The following EML6 variants were observed in gnomAD, a reference collection of about 807,000 sequenced individuals.
The protein encoded by EML6 is EMAP like 6, also known as echinoderm microtubule-associated protein-like 6.
EML6 carries 154 observed loss-of-function variants against 240.1 expected under a neutral mutation model. The observed-to-expected ratio is 0.64, with a 90% CI of 0.56 to 0.73. The LOEUF (loss-of-function observed/expected upper bound fraction) is 0.73. EML6 is among the 30% of genes least tolerant of loss of function. The pLI is 0.00. For synonymous variants in EML6, 1,148 were observed against 899.0 expected (o/e 1.28, Z -4.95); for missense variants, 2,964 against 2,474.6 (o/e 1.20, Z -4.20).
At chr2:54,885,464 T>C (rs1672076364) in intron 17 of EML6, among the ~76,000 whole-genome samples, 1 of 152,008 alleles carries the variant, frequency 6.6e-6, no homozygotes, top group African/African-American at 2.4e-5. Context: ...AAAAAAATTT[T>C]TTTTGGATGC....
intron 21 of EML6, among the ~76,000 whole-genome samples, chr2:54,897,286 A>G (rs929710604): frequency 7.2e-5 from 11 of 152,082 alleles, no homozygotes; most frequent in African/African-American, 2.7e-4. Context: ...AAGGCTTTTC[A>G]CTTCTTAATT....
intron 32 of EML6, among the ~76,000 whole-genome samples, chr2:54,955,135 A>G (rs1340711108): frequency 1.3e-5 from 2 of 152,214 alleles, no homozygotes; most frequent in Non-Finnish European, 2.9e-5. Context: ...TTTCTAGGAA[A>G]CCACATGTTC....
chr2:54,843,515 A>T (rs138720095), intron 7 of EML6, among the ~76,000 whole-genome samples: 238 of 152,280 alleles, frequency 1.6e-3, no homozygotes, highest in Middle Eastern at 0.01. Flanking sequence ...ACTAGATTAC[A>T]AGGGGTGGAG....
intron 11 of EML6, among the ~76,000 whole-genome samples, chr2:54,856,978 G>A (rs544284269): frequency 1.3e-5 from 2 of 152,326 alleles, no homozygotes; most frequent in South Asian, 4.1e-4. Context: ...TCAAGGCAGA[G>A]CTGAGGGTCT....
chr2:54,727,996 G>A (rs1308618591), intron 2 of EML6, among the ~76,000 whole-genome samples: 1 of 152,192 alleles, frequency 6.6e-6, no homozygotes, highest in African/African-American at 2.4e-5. Flanking sequence ...GTCTAAGTCA[G>A]ATTTTTAAAG....
chr2:54,889,113 C>T (rs1396996680), intron 17 of EML6, among the ~76,000 whole-genome samples: 1 of 152,120 alleles, frequency 6.6e-6, no homozygotes, highest in Non-Finnish European at 1.5e-5. Context: ...TTTTTATATT[C>T]ATTTGTGTCT....
chr2:54,797,173 A>AAAACAAAC lies in EML6; in HGVS notation c.198-16056_198-16055insCAAACAAA, dbSNP rs1481027317. ...GAGCAAGACTCCATCTCAAAAAAAAAAAAAAAAAAAAAAAAACTGTGATCT... is the reference window on the plus strand; with the variant it reads ...GAGCAAGACTCCATCTCAAAAAAAAAAAACAAACAAAAAAAAAAAAAAAACTGTGATCT... On this transcript the variant is annotated intron_variant, in intron 2 of 41. Coordinates refer to ENST00000356458, the MANE Select transcript of EML6 (RefSeq NM_001039753.4). 2.9e-4 allele frequency among the ~76,000 whole-genome samples: 41 copies of AAAACAAAC among 139,948 alleles called. 1 individual carries two copies. Among genetic ancestry groups the AAAACAAAC allele is most frequent in the South Asian group, 1.3e-3 (6 of 4,488 alleles). The allele number at this position is 139,948 out of a possible 152,430, so 91.8% of individuals were successfully genotyped here.
intron 12 of EML6, among the ~76,000 whole-genome samples, chr2:54,861,983 T>C (rs1336349161): frequency 1.3e-5 from 2 of 152,158 alleles, no homozygotes; most frequent in East Asian, 1.9e-4. Flanking sequence ...TTGAGAACTT[T>C]AGAGATAGAA....
intron 21 of EML6, among the ~76,000 whole-genome samples, chr2:54,898,901 A>G (rs1289063798): frequency 6.6e-6 from 1 of 152,260 alleles, no homozygotes; most frequent in Non-Finnish European, 1.5e-5. Flanking sequence ...AGTGTTCGTT[A>G]TAAAAAAATA....
In EML6 at chr2:54,829,413, G is replaced by C; in HGVS notation, c.783G>C (p.Leu261=). 1 of 1,551,826 alleles carries C rather than the reference G, an allele frequency of 6.4e-7. No homozygotes were observed. Among genetic ancestry groups the C allele is most frequent in the Non-Finnish European group, 8.7e-7 (1 of 1,146,818 alleles). ...GTGGGCGAGATGGGTGTATACGACT[G>C]TGGGACACTGATTTCAAACCAATAA... is the stretch of plus-strand genomic sequence containing the variant. ...ATGGRDGCIR[L]WDTDFKPITK... The change falls in exon 7 of 42, where the codon CTG becomes CTC. Residue 261 remains leucine (L), a synonymous_variant. Coordinates refer to ENST00000356458, the MANE Select transcript of EML6 (RefSeq NM_001039753.4).
At chr2:54,925,524 C>T (rs563695126) in intron 26 of EML6, among the ~76,000 whole-genome samples, 1 of 152,212 alleles carries the variant, frequency 6.6e-6, no homozygotes, top group Admixed American at 6.5e-5. Context: ...ACGTCACTAT[C>T]TTGGCTCTTT....
chr2:54,838,450 G>A (rs1300881263), intron 7 of EML6, among the ~76,000 whole-genome samples: 3 of 152,184 alleles, frequency 2.0e-5, no homozygotes, highest in African/African-American at 7.2e-5. Context: ...ACCTTACCAT[G>A]TCACACAGCT....
intron 35 of EML6, among the ~76,000 whole-genome samples, chr2:54,962,271 C>T (rs1382503415): frequency 6.6e-6 from 1 of 151,748 alleles, no homozygotes; most frequent in Non-Finnish European, 1.5e-5. Context: ...CCATTTTGAC[C>T]ATTTGTAAAT....
chr2:54,968,391 G>A (rs186260009), intron 40 of EML6, 110 bp downstream of exon 40: 10 of 1,055,970 alleles, frequency 9.5e-6, no homozygotes, highest in Middle Eastern at 2.4e-4. Flanking sequence ...ACCCTGTCCC[G>A]GTACAGTGGA....
Position 54,844,127 on chromosome 2 carries a change from G to T in EML6, c.928G>T (p.Val310Leu). ...TQDSEIFEVI[V>L]RERDKPMLIL... The stretch of plus-strand genomic sequence containing the variant: ...GGACAGTGAGATATTTGAAGTGATT[G>T]TGCGAGAGCGAGACAAGCCGATGTT... The change falls in exon 8 of 42, where the codon GTG becomes TTG. Residue 310 changes from valine to leucine, a missense_variant. Physicochemically the swap from Val to Leu is conservative, Grantham distance 32. Transcript: ENST00000356458. 3.9e-6 allele frequency: 6 copies of T among 1,551,678 alleles called. No homozygotes were observed. Among genetic ancestry groups the T allele is most frequent in the Non-Finnish European group, 5.2e-6 (6 of 1,146,986 alleles).
chr2:54,809,788 C>T, intron 2 of EML6, among the ~76,000 whole-genome samples: 1 of 152,142 alleles, frequency 6.6e-6, no homozygotes, highest in Admixed American at 6.5e-5. Flanking sequence ...GTGAGCTTTT[C>T]TCCTTTTTTG....
intron 3 of EML6, among the ~76,000 whole-genome samples, chr2:54,814,193 G>C (rs539428525): frequency 6.6e-6 from 1 of 152,246 alleles, no homozygotes; most frequent in South Asian, 2.1e-4. Context: ...AGTCGAATTG[G>C]ACAAATCTGC....
Position 54,928,859 on chromosome 2 carries a change from T to C in EML6, c.4004+108T>C, listed in dbSNP as rs1046750553. On this transcript the variant is annotated intron_variant, in intron 28 of 41. Coordinates refer to ENST00000356458, the MANE Select transcript of EML6 (RefSeq NM_001039753.4). ...TCAAAGTTGCTGTTTAAGTCAGTCT[T>C]TTATAAATCTTCACAGAGTCTTCAC... 2.3e-6 allele frequency: 3 copies of C among 1,308,106 alleles called. No homozygotes were observed. In the African/African-American group the frequency reaches 4.4e-5, roughly 19 times the overall value. 81.0% of individuals were successfully genotyped at this position (1,308,106 alleles called of 1,614,324 possible). A position where few individuals can be genotyped will look rare whatever the true frequency, so the allele number is the denominator to read the frequency against.
rs1314037047 is a variant in EML6 at position 54,970,722 on chromosome 2, C to A, written c.*627C>A. ...CCAGTTGTGTGGGCTGCTGTCTCACCTCCCACCAATTTCTCCTTTCTCCAT... is the reference window on the plus strand; with the variant it reads ...CCAGTTGTGTGGGCTGCTGTCTCACATCCCACCAATTTCTCCTTTCTCCAT... On this transcript the variant is annotated 3_prime_UTR_variant, in exon 42 of 42. Transcript: ENST00000356458. The A allele has an allele frequency of 6.5e-6, 1 of 152,896 alleles. No homozygotes were observed. Among genetic ancestry groups the A allele is most frequent in the Non-Finnish European group, 1.5e-5 (1 of 68,602 alleles). The allele number at this position is 152,896 out of a possible 1,614,324, so 9.5% of individuals were successfully genotyped here.
Sources: gnomAD v4.1 joint callset for allele counts (sites outside exome capture counted in the v4.1 genomes callset) on GRCh38, gnomAD v4.1.1 for gene constraint, MANE v1.5 for transcripts, NCBI Gene and HGNC (gene_info 2026-07-23, HGNC 2026-07-21) for gene names.